Variants in PHACTR2 observed in about 807,000 individuals in gnomAD.
The protein encoded by PHACTR2 is chromosome 6 open reading frame 56.
PHACTR2 carries 30 observed loss-of-function variants against 76.0 expected under a neutral mutation model. The ratio of observed to expected loss-of-function variants is 0.39; its 90% CI spans 0.30 to 0.54. PHACTR2 has a LOEUF of 0.54. Ranked by LOEUF, PHACTR2 falls within the 20% of genes least tolerant of loss-of-function variation. The pLI, the probability that PHACTR2 is intolerant of heterozygous loss-of-function variation, is 0.61. For synonymous variants in PHACTR2, 292 were observed against 292.5 expected (o/e 1.00, Z 0.02); for missense variants, 696 against 781.1 (o/e 0.89, Z 1.30).
chr6:143,829,623 T>TAACA lies in PHACTR2; in HGVS notation c.*5936_*5939dup. 2 of 152,332 alleles carry TAACA rather than the reference T, an allele frequency of 1.3e-5. No homozygotes were observed. The highest frequency in any genetic ancestry group is 4.1e-4 in the South Asian group (2 of 4,826). 9.4% of individuals were successfully genotyped at this position (152,332 alleles called of 1,614,324 possible). On this transcript the variant is annotated 3_prime_UTR_variant, in exon 13 of 13. Coordinates refer to ENST00000440869, the MANE Select transcript of PHACTR2 (RefSeq NM_001100164.2). The stretch of plus-strand genomic sequence containing the variant: ...TAGGTGAAACATTATTAAACTGTAC[T>TAACA]AACAATACAGAAACATATTCTCTTT...
At chr6:143,717,845 T>C (rs191155341) in intron 2 of PHACTR2, among the ~76,000 whole-genome samples, 1 of 152,316 alleles carries the variant, frequency 6.6e-6, no homozygotes, top group Non-Finnish European at 1.5e-5. Flanking sequence ...GTGCTGGGAT[T>C]ACAGGCATGA....
rs1045056322 is a variant in PHACTR2, at chr6:143,680,477, C to T, written c.46+2268C>T. Among the ~76,000 whole-genome samples the T allele has an allele frequency of 1.3e-5, 2 of 152,164 alleles. No individual in the cohort carries two copies. The highest frequency in any genetic ancestry group is 4.8e-5 in the African/African-American group (2 of 41,446). On this transcript the variant is annotated intron_variant, in intron 1 of 12. Transcript: ENST00000440869. The surrounding 1 kb of genome is among the most constrained non-coding windows in gnomAD (Gnocchi z 4.5). The stretch of plus-strand genomic sequence containing the variant: ...TATTCATACTTATCGCTCAATTTGG[C>T]CTTTTGTAAAAATCTTCATTATAGG...
rs954295566 is a variant in PHACTR2 at position 143,753,620 on chromosome 6, G to C, written c.296-134G>C. On this transcript the variant is annotated intron_variant, in intron 3 of 12. Transcript: ENST00000440869. This position sits in a 1 kb window ranked among gnomAD's most constrained non-coding sequence, Gnocchi z 4.6. ...TAGCTCTTTTGTTTTGAATAAACCG[G>C]TGAAACAGTGCAGGGTGTATTTGGT... is the stretch of plus-strand genomic sequence containing the variant. 1 of 583,554 alleles carries C rather than the reference G, an allele frequency of 1.7e-6. No homozygotes were observed. Among genetic ancestry groups the C allele is most frequent in the Non-Finnish European group, 3.0e-6 (1 of 331,496 alleles). 36.1% of individuals were successfully genotyped at this position (583,554 alleles called of 1,614,324 possible).
At position 143,804,237 on chromosome 6, in the gene PHACTR2, C is replaced by G. The variant is rs1028673791; in HGVS notation, c.1846-2820C>G. On this transcript the variant is annotated intron_variant, in intron 11 of 12. Coordinates refer to ENST00000440869, the MANE Select transcript of PHACTR2 (RefSeq NM_001100164.2). ...TCACTAACCGTCGGTGCCTTTTGCTCCTTGGCCTCTCTCTCTCTATCTACC... is the reference window on the plus strand; with the variant it reads ...TCACTAACCGTCGGTGCCTTTTGCTGCTTGGCCTCTCTCTCTCTATCTACC... Among the ~76,000 whole-genome samples the G allele has an allele frequency of 2.0e-5, 3 of 152,202 alleles. No individual in the cohort carries two copies. In the South Asian group the frequency reaches 6.2e-4, roughly 32 times the overall value.
chr6:143,579,884 C>A (rs1007944325), intron 1 of PHACTR2, among the ~76,000 whole-genome samples: 1 of 152,158 alleles, frequency 6.6e-6, no homozygotes, highest in African/African-American at 2.4e-5. Context: ...TCAAGGTATG[C>A]GCCAGGGCTG....
intron 1 of PHACTR2, among the ~76,000 whole-genome samples, chr6:143,706,140 A>G (rs939487034): frequency 6.6e-6 from 1 of 151,806 alleles, no homozygotes; most frequent in Non-Finnish European, 1.5e-5. Flanking sequence ...CCTTTAACCT[A>G]CCTCCTCCCA....
chr6:143,744,136 CA>C (rs1779003106), intron 2 of PHACTR2, among the ~76,000 whole-genome samples: 1 of 152,146 alleles, frequency 6.6e-6, no homozygotes, highest in African/African-American at 2.4e-5. Flanking sequence ...TCAGTGCATA[CA>C]GAGACTTTTT....
rs933279789 is a variant in PHACTR2, at chr6:143,730,177, C to G, written c.214+17994C>G. On this transcript the variant is annotated intron_variant, in intron 2 of 12. Coordinates refer to ENST00000440869, the MANE Select transcript of PHACTR2 (RefSeq NM_001100164.2). This position sits in a 1 kb window ranked among gnomAD's most constrained non-coding sequence, Gnocchi z 4.8. ...GCTTTCATTTAAATTTTAGAACCAA[C>G]TTGTTTTTATTGTTGAAAAATTACT... is the stretch of plus-strand genomic sequence containing the variant. Among the ~76,000 whole-genome samples the G allele has an allele frequency of 9.9e-5, 15 of 152,008 alleles. No individual in the cohort carries two copies. Among genetic ancestry groups the G allele is most frequent in the Admixed American group, 8.5e-4 (13 of 15,262 alleles).
In PHACTR2 at chr6:143,826,869, G is replaced by A. The variant is rs1463120197; in HGVS notation, c.*3180G>A. On this transcript the variant is annotated 3_prime_UTR_variant, in exon 13 of 13. Coordinates refer to ENST00000440869, the MANE Select transcript of PHACTR2 (RefSeq NM_001100164.2). ...ACATGGAGAAAAAGCAAACACATCT[G>A]TTTGCTTTACCCAGAAAAACTGACT... is the stretch of plus-strand genomic sequence containing the variant. 6.6e-6 allele frequency: 1 copy of A among 151,850 alleles called. No homozygotes were observed. The highest frequency in any genetic ancestry group is 2.4e-5 in the African/African-American group (1 of 41,332). 9.4% of individuals were successfully genotyped at this position (151,850 alleles called of 1,614,324 possible). A position where few individuals can be genotyped will look rare whatever the true frequency, so the allele number is the denominator to read the frequency against.
rs76124485 is a variant in PHACTR2, at chr6:143,823,231, C to T, written c.1923-443C>T. Among the ~76,000 whole-genome samples the T allele has an allele frequency of 6.6e-6, 1 of 152,146 alleles. No homozygotes were observed. The highest frequency in any genetic ancestry group is 2.4e-5 in the African/African-American group (1 of 41,424). On this transcript the variant is annotated intron_variant, in intron 12 of 12. Transcript: ENST00000440869. The surrounding 1 kb of genome is among the most constrained non-coding windows in gnomAD (Gnocchi z 5.7). ...CAAGTGTAGAAAGTAGATTTGGAGT[C>T]GTCAGCAGGAGATGATGAGAGGCTG...
chr6:143,638,272 G>A (rs1452360362), intron 1 of PHACTR2, among the ~76,000 whole-genome samples: 2 of 152,270 alleles, frequency 1.3e-5, no homozygotes, highest in East Asian at 1.9e-4. Context: ...AGGTGCAGTG[G>A]CTCATGCCTA....
At chr6:143,638,576 T>TACACACACAC (rs113707533) in intron 1 of PHACTR2, among the ~76,000 whole-genome samples, 8 of 146,914 alleles carry the variant, frequency 5.4e-5, no homozygotes, top group African/African-American at 1.3e-4. Context: ...CACACACACA[T>TACACACACAC]ACACACACAC....
intron 11 of PHACTR2, among the ~76,000 whole-genome samples, chr6:143,802,582 G>A (rs993992177): frequency 4.2e-5 from 6 of 141,882 alleles, no homozygotes; most frequent in Non-Finnish European, 9.0e-5. Flanking sequence ...TGGAATTTGA[G>A]GCTACAATGA....
At position 143,687,912 on chromosome 6, in the gene PHACTR2, T is replaced by A. The variant is rs9496731; in HGVS notation, c.46+9703T>A. On this transcript the variant is annotated intron_variant, in intron 1 of 12. Coordinates refer to ENST00000440869, the MANE Select transcript of PHACTR2 (RefSeq NM_001100164.2). Reference sequence around the variant, plus strand: ...TTCATGCAGCAAACAGTTCCTAAATTAAAGTTATTATGTGTAAGGTGTTAT... The same window carrying A: ...TTCATGCAGCAAACAGTTCCTAAATAAAAGTTATTATGTGTAAGGTGTTAT... 7.7e-3 allele frequency among the ~76,000 whole-genome samples: 1,175 copies of A among 152,208 alleles called. 22 individuals carry two copies. The highest frequency in any genetic ancestry group is 0.027 in the African/African-American group (1,118 of 41,524).
Position 143,624,439 on chromosome 6 carries a change from G to A in PHACTR2, c.13+16117G>A, listed in dbSNP as rs1457221524. Among the ~76,000 whole-genome samples the A allele has an allele frequency of 6.6e-6, 1 of 152,144 alleles. No individual in the cohort carries two copies. The highest frequency in any genetic ancestry group is 1.5e-5 in the Non-Finnish European group (1 of 68,034). ...TGTTAATTCTTATGACCAAGACGCA[G>A]TCATAGTTACTAATTCATATTCACA... is the stretch of plus-strand genomic sequence containing the variant. On this transcript the variant is annotated intron_variant, in intron 1 of 11. Transcript: ENST00000305766. The surrounding 1 kb of genome is among the most constrained non-coding windows in gnomAD (Gnocchi z 4.6).
chr6:143,749,085 A>G lies in PHACTR2; in HGVS notation c.295+20A>G, dbSNP rs1779130888. ...ATCAAGGTGAGGAAATTAATCATACATTTTAAATATTTTGGTCCTTCATTC... is the reference window on the plus strand; with the variant it reads ...ATCAAGGTGAGGAAATTAATCATACGTTTTAAATATTTTGGTCCTTCATTC... On this transcript the variant is annotated intron_variant, in intron 3 of 12. Coordinates refer to ENST00000440869, the MANE Select transcript of PHACTR2 (RefSeq NM_001100164.2). 1.6e-6 allele frequency: 2 copies of G among 1,259,222 alleles called. No individual in the cohort carries two copies. The highest frequency in any genetic ancestry group is 2.3e-6 in the Non-Finnish European group (2 of 864,444). The allele number at this position is 1,259,222 out of a possible 1,614,324, so 78.0% of individuals were successfully genotyped here.
At chr6:143,707,691 A>T (rs1778084963) in intron 1 of PHACTR2, among the ~76,000 whole-genome samples, 1 of 152,222 alleles carries the variant, frequency 6.6e-6, no homozygotes, top group African/African-American at 2.4e-5. Flanking sequence ...CAAAGGGAAG[A>T]CTATTCAAAC....
Position 143,556,109 on chromosome 6 carries a change from C to T in PHACTR2, c.217+18902C>T, listed in dbSNP as rs960263275. Among the ~76,000 whole-genome samples the T allele has an allele frequency of 2.7e-4, 41 of 152,102 alleles. No homozygotes were observed. The highest frequency in any genetic ancestry group is 6.5e-4 in the Admixed American group (10 of 15,274). ...GTAGTAGCAGAAGGGACAGTGAAAA[C>T]TCATGATGGTTAAGAAATTAACAAA... On this transcript the variant is annotated intron_variant, in intron 1 of 11. Coordinates refer to the PHACTR2 transcript ENST00000367584. This position sits in a 1 kb window ranked among gnomAD's most constrained non-coding sequence, Gnocchi z 4.3.
In PHACTR2 at chr6:143,733,551, A is replaced by G. The variant is rs750573645; in HGVS notation, c.215-15434A>G. Among the ~76,000 whole-genome samples, 1 of 152,122 alleles carries G rather than the reference A, an allele frequency of 6.6e-6. No individual in the cohort carries two copies. Among genetic ancestry groups the G allele is most frequent in the South Asian group, 2.1e-4 (1 of 4,826 alleles). Reference sequence around the variant, plus strand: ...GGTAGGGAATGACTGCTTGTTTTCAATCCTTCTTTAGTGTTCATACCACTG... The same window carrying G: ...GGTAGGGAATGACTGCTTGTTTTCAGTCCTTCTTTAGTGTTCATACCACTG... On this transcript the variant is annotated intron_variant, in intron 2 of 12. Transcript: ENST00000440869. The surrounding 1 kb of genome is among the most constrained non-coding windows in gnomAD (Gnocchi z 4.0).
Sources: allele counts gnomAD v4.1 joint callset (sites outside exome capture counted in the v4.1 genomes callset), GRCh38; gene constraint gnomAD v4.1.1; non-coding constraint Gnocchi (gnomAD v3.1); transcripts MANE v1.5; gene names NCBI Gene and HGNC (gene_info 2026-07-23, HGNC 2026-07-21).